APBA3: variants seen among roughly 807,000 people sequenced by gnomAD.
The protein encoded by APBA3 is amyloid-beta A4 precursor protein-binding family A member 3.
APBA3 carries 45 observed loss-of-function variants against 55.9 expected under a neutral mutation model. The observed-to-expected ratio is 0.80, with a 90% confidence interval of 0.63 to 1.03. The LOEUF (loss-of-function observed/expected upper bound fraction) is 1.03. APBA3 is among the 50% of genes least tolerant of loss of function. The pLI, the probability that APBA3 is intolerant of heterozygous loss-of-function variation, is 0.00. For missense variants in APBA3, 865 were observed against 820.3 expected, an observed-to-expected ratio of 1.05 and a Z score of -0.67; for synonymous variants, 370 against 353.3, an observed-to-expected ratio of 1.05 and a Z score of -0.53.
At chr19:3,757,951 T>A (rs192453159) in intron 3 of APBA3, among the ~76,000 whole-genome samples, 1 of 152,216 alleles carries the variant, frequency 6.6e-6, no homozygotes. Flanking sequence ...TTTCTTTTTT[T>A]AGAGACAGAG....
At chr19:3,758,959 C>T (rs778574388) in intron 3 of APBA3, among the ~76,000 whole-genome samples, 2 of 152,270 alleles carry the variant, frequency 1.3e-5, no homozygotes, top group Middle Eastern at 3.4e-3. Context: ...TGGTGGCTCA[C>T]GCCTGTAATC....
At chr19:3,755,570 G>GGA (rs1555743100) in intron 3 of APBA3, 1 of 138,534 alleles carries the variant, frequency 7.2e-6, no homozygotes, top group African/African-American at 2.6e-5. Context: ...GGGGGGGGGG[G>GGA]GTGGATCACC....
At position 3,753,850 on chromosome 19, in the gene APBA3, C is replaced by T. The variant is rs570833227; in HGVS notation, c.926G>A (p.Arg309Gln). The change falls in exon 6 of 11, where the codon CGG (arginine) becomes CAG (glutamine). Residue 309 changes from arginine to glutamine, a missense_variant. Physicochemically the swap from Arg to Gln is conservative, Grantham distance 43 (BLOSUM62 1). Transcript: ENST00000316757. ...DIGCVLVLMA[R>Q]RRLARRPAPQ... ...TGCCGGCCTCCGTGCCAGCCGCCGC[C>T]GCGCCATCAGCACCAGCACGCAGCC... 2.2e-5 allele frequency: 34 copies of T among 1,568,346 alleles called. No individual in the cohort carries two copies. Among genetic ancestry groups the T allele is most frequent in the Middle Eastern group, 1.7e-4 (1 of 6,018 alleles).
intron 3 of APBA3, chr19:3,754,666 G>A (rs55966636): frequency 0.024 from 6,541 of 274,610 alleles, 454 homozygotes; most frequent in African/African-American, 0.13. Flanking sequence ...GAACCAGACA[G>A]TCCCACTCCT....
rs1313715949 is a variant in APBA3 at position 3,750,971 on chromosome 19, T to C, written c.*55A>G. On this transcript the variant is annotated 3_prime_UTR_variant, in exon 11 of 11. Coordinates refer to ENST00000316757, the MANE Select transcript of APBA3 (RefSeq NM_004886.4). ...CTGGCCAGCCAGGGCAGGCCCAGGA[T>C]GGGGCTCCGGGGCCATGGAGGCGAA... The C allele has an allele frequency of 3.3e-6, 5 of 1,522,136 alleles. No individual in the cohort carries two copies. The highest frequency in any genetic ancestry group is 4.5e-6 in the Non-Finnish European group (5 of 1,120,268). The allele number at this position is 1,522,136 out of a possible 1,614,324, so 94.3% of individuals were successfully genotyped here.
chr19:3,753,975 C>G (rs377252138), intron 5 of APBA3, 44 bp downstream of exon 5: 1 of 1,578,452 alleles, frequency 6.3e-7, no homozygotes, highest in Non-Finnish European at 8.6e-7. Flanking sequence ...GTGCCAGGCT[C>G]GATCACCCCA....
Position 3,752,488 on chromosome 19 carries a change from T to C in APBA3, c.1395+20A>G, listed in dbSNP as rs1297373767. 6.5e-7 allele frequency: 1 copy of C among 1,547,902 alleles called. No individual in the cohort carries two copies. The highest frequency in any genetic ancestry group is 8.7e-7 in the Non-Finnish European group (1 of 1,150,764). Reference sequence around the variant, plus strand: ...CCCCTTCCTGGGAGTGTGGGGGCCCTGCCACACCAGGAAACTCACGCGGAC... The same window carrying C: ...CCCCTTCCTGGGAGTGTGGGGGCCCCGCCACACCAGGAAACTCACGCGGAC... On this transcript the variant is annotated intron_variant, in intron 8 of 10. Transcript: ENST00000316757.
At position 3,751,239 on chromosome 19, in the gene APBA3, C is replaced by A; in HGVS notation, c.1606G>T (p.Ala536Ser). ...TCGATGATGCGGGCGTGTGGCGTGGCCACCACACTCTGCCCATTGATCTCA... is the reference window on the plus strand; with the variant it reads ...TCGATGATGCGGGCGTGTGGCGTGGACACCACACTCTGCCCATTGATCTCA... ...IIEINGQSVVATPHARIIELL... is the reference protein window; with the variant it reads ...IIEINGQSVVSTPHARIIELL... Residue 536 changes from alanine (A) to serine (S), a missense_variant, in exon 10 of 11, where the codon GCC (alanine) becomes TCC (serine). Transcript: ENST00000316757. 2 of 1,547,600 alleles carry A rather than the reference C, an allele frequency of 1.3e-6. No homozygotes were observed. The highest frequency in any genetic ancestry group is 1.7e-6 in the Non-Finnish European group (2 of 1,148,060).
rs548162167 is a variant in APBA3, at chr19:3,753,456, T to C, written c.1011+309A>G. 13 of 379,376 alleles carry C rather than the reference T, an allele frequency of 3.4e-5. No individual in the cohort carries two copies. In the East Asian group the frequency reaches 5.4e-4, roughly 16 times the overall value. 23.5% of individuals were successfully genotyped at this position (379,376 alleles called of 1,614,324 possible). On this transcript the variant is annotated intron_variant, in intron 6 of 10. Coordinates refer to ENST00000316757, the MANE Select transcript of APBA3 (RefSeq NM_004886.4). ...CCAGGAGTTTGAGACCGTGTTCACC[T>C]GGGCAACAGAGCGAGACCGTGTCTC...
intron 8 of APBA3, among the ~76,000 whole-genome samples, chr19:3,752,220 A>AC (rs556484961): frequency 8.6e-5 from 13 of 150,812 alleles, no homozygotes; most frequent in African/African-American, 7.3e-5. Flanking sequence ...AAACAAACAA[A>AC]CCCCCCCAGA....
chr19:3,752,454 G>A (rs2037018862), intron 8 of APBA3, 54 bp downstream of exon 8: 2 of 1,476,960 alleles, frequency 1.4e-6, no homozygotes, highest in Non-Finnish European at 1.8e-6. Context: ...ACCTCTCTGG[G>A]ACTCAGCTCC....
rs539449028 is a variant in APBA3, at chr19:3,751,113, G to A, written c.1657-16C>T. 49 of 1,564,526 alleles carry A rather than the reference G, an allele frequency of 3.1e-5. No individual in the cohort carries two copies. The highest frequency in any genetic ancestry group is 9.4e-5 in the South Asian group (8 of 85,210). On this transcript the variant is annotated splice_polypyrimidine_tract_variant and intron_variant, in intron 10 of 10. Coordinates refer to ENST00000316757, the MANE Select transcript of APBA3 (RefSeq NM_004886.4). ...TGATATGCACCTGGGGAGTGGAGGC[G>A]GAACGGGGCTCAGGGCAGGCCTGGG...
intron 8 of APBA3, among the ~76,000 whole-genome samples, chr19:3,752,221 C>G (rs925229216): frequency 6.6e-6 from 1 of 151,890 alleles, no homozygotes; most frequent in Non-Finnish European, 1.5e-5. Flanking sequence ...AACAAACAAA[C>G]CCCCCCAGAA....
intron 6 of APBA3, 62 bp downstream of exon 6, chr19:3,753,703 G>A: frequency 1.4e-6 from 2 of 1,407,552 alleles, no homozygotes; most frequent in Non-Finnish European, 1.9e-6. Context: ...GGCCCACTGA[G>A]GGAGGCGACA....
chr19:3,752,469 C>T (rs2037019192), intron 8 of APBA3, 39 bp downstream of exon 8: 2 of 1,518,530 alleles, frequency 1.3e-6, no homozygotes, highest in Non-Finnish European at 1.8e-6. Flanking sequence ...AGCTCCCCTT[C>T]CTGGGAGTGT....
Position 3,760,315 on chromosome 19 carries a change from A to T in APBA3, c.-37-14T>A, listed in dbSNP as rs748248854. 1.3e-5 allele frequency: 19 copies of T among 1,507,694 alleles called. No individual in the cohort carries two copies. In the Admixed American group the frequency reaches 4.5e-4, roughly 35 times the overall value. The allele number at this position is 1,507,694 out of a possible 1,614,324, so 93.4% of individuals were successfully genotyped here. On this transcript the variant is annotated splice_polypyrimidine_tract_variant and intron_variant, in intron 1 of 10. Coordinates refer to ENST00000316757, the MANE Select transcript of APBA3 (RefSeq NM_004886.4). ...ATCTTCAGGCAGCTGAAAGAGAGAG[A>T]GTCAGCACTGAGGTTTCGCCCGGGT...
intron 3 of APBA3, chr19:3,754,585 T>C: frequency 4.0e-6 from 2 of 500,014 alleles, no homozygotes; most frequent in South Asian, 3.0e-5. Context: ...AGGCCATGGC[T>C]GGATTCAAAG....
rs1339240312 is a variant in APBA3 at position 3,751,288 on chromosome 19, GC to G, written c.1556del (p.Gly519AlafsTer98). On this transcript the variant is annotated frameshift_variant, in exon 10 of 11. Coordinates refer to ENST00000316757, the MANE Select transcript of APBA3 (RefSeq NM_004886.4). LOFTEE classifies it high-confidence loss of function. ...LLRGGIAERG[G>X]IRVGHRIIEI... ...CAATGATGCGGTGGCCGACGCGGAT[GC>G]CCCCACGCTCGGCGATGCCACCACG... 3 of 1,541,686 alleles carry G rather than the reference GC, an allele frequency of 1.9e-6. No homozygotes were observed. Among genetic ancestry groups the G allele is most frequent in the African/African-American group, 1.4e-5 (1 of 73,058 alleles).
chr19:3,753,942 C>T lies in APBA3; in HGVS notation c.850-16G>A. Reference sequence around the variant, plus strand: ...TCATGGCCTCCTGGGGCGGGAGAGGCAGCCTGGGTGGGTTGGGGGGCCGTG... The same window carrying T: ...TCATGGCCTCCTGGGGCGGGAGAGGTAGCCTGGGTGGGTTGGGGGGCCGTG... On this transcript the variant is annotated splice_polypyrimidine_tract_variant and intron_variant, in intron 5 of 10. Transcript: ENST00000316757. 1 of 1,556,338 alleles carries T rather than the reference C, an allele frequency of 6.4e-7. No individual in the cohort carries two copies. The highest frequency in any genetic ancestry group is 8.7e-7 in the Non-Finnish European group (1 of 1,149,054).
Sources: allele counts gnomAD v4.1 joint callset (sites outside exome capture counted in the v4.1 genomes callset), GRCh38; gene constraint gnomAD v4.1.1; transcripts MANE v1.5; gene names NCBI Gene and HGNC (gene_info 2026-07-23, HGNC 2026-07-21).